ZNF385D: variants seen among roughly 807,000 people sequenced by gnomAD.
The protein encoded by ZNF385D is zinc finger protein 385D.
ZNF385D carries 15 observed loss-of-function variants against 35.8 expected under a neutral mutation model. That is an observed-to-expected ratio of 0.42 (90% CI 0.28 to 0.64). The LOEUF (loss-of-function observed/expected upper bound fraction) is 0.64. Ranked by LOEUF, ZNF385D falls within the 30% of genes least tolerant of loss-of-function variation. ZNF385D has a pLI of 0.23. For synonymous variants in ZNF385D, 212 were observed against 186.8 expected (o/e 1.13, Z -1.10); for missense variants, 474 against 494.6 (o/e 0.96, Z 0.39).
intron 3 of ZNF385D, among the ~76,000 whole-genome samples, chr3:21,516,175 T>C (rs1707549966): frequency 6.6e-6 from 1 of 152,202 alleles, no homozygotes; most frequent in Admixed American, 6.5e-5. Context: ...CCTCAGAGTC[T>C]TTGGAGAGAC....
chr3:21,593,607 CAT>C (rs1277163779), intron 2 of ZNF385D, among the ~76,000 whole-genome samples: 5 of 152,104 alleles, frequency 3.3e-5, no homozygotes, highest in Admixed American at 1.3e-4. Context: ...CTTACTCAAA[CAT>C]ATGTGTGAGC....
intron 3 of ZNF385D, among the ~76,000 whole-genome samples, chr3:21,531,298 T>C (rs1248382963): frequency 6.6e-6 from 1 of 152,192 alleles, no homozygotes; most frequent in Non-Finnish European, 1.5e-5. Context: ...CTCTCATTCA[T>C]TGTTGGTAGA....
intron 3 of ZNF385D, among the ~76,000 whole-genome samples, chr3:22,097,100 T>C (rs949249797): frequency 6.1e-5 from 9 of 148,368 alleles, no homozygotes; most frequent in Non-Finnish European, 1.4e-4. Flanking sequence ...AAATGAATTG[T>C]CCATCTTCAG....
At chr3:21,785,151 C>A (rs929994880) in intron 3 of ZNF385D, among the ~76,000 whole-genome samples, 1 of 152,056 alleles carries the variant, frequency 6.6e-6, no homozygotes, top group South Asian at 2.1e-4. Flanking sequence ...TAATAATTTG[C>A]CCCCAAATCA....
intron 4 of ZNF385D, among the ~76,000 whole-genome samples, chr3:21,496,366 A>G (rs1321251180): frequency 6.9e-6 from 1 of 143,934 alleles, no homozygotes; most frequent in Non-Finnish European, 1.5e-5. Flanking sequence ...TATATCATAT[A>G]TACACACATA....
In ZNF385D at chr3:21,766,626, T is replaced by G. The variant is rs1322456536; in HGVS notation, c.326-101598A>C. On this transcript the variant is annotated intron_variant, in intron 3 of 5. Coordinates refer to the ZNF385D transcript ENST00000494108. Reference sequence around the variant, plus strand: ...GAATAGAGAACATTTATTAAACCAGTATTCAAGGCCCACTATGGAAGCAGT... The same window carrying G: ...GAATAGAGAACATTTATTAAACCAGGATTCAAGGCCCACTATGGAAGCAGT... Among the ~76,000 whole-genome samples the G allele has an allele frequency of 8.5e-5, 13 of 152,096 alleles. No homozygotes were observed. In the East Asian group the frequency reaches 2.5e-3, roughly 29 times the overall value.
At chr3:21,834,427 G>T (rs1296848132) in intron 3 of ZNF385D, among the ~76,000 whole-genome samples, 1 of 152,138 alleles carries the variant, frequency 6.6e-6, no homozygotes, top group Non-Finnish European at 1.5e-5. Context: ...GACTTTAGGT[G>T]TATCCTCTTT....
chr3:21,758,992 A>AC (rs1476384624), intron 3 of ZNF385D, among the ~76,000 whole-genome samples: 1 of 147,856 alleles, frequency 6.8e-6, no homozygotes, highest in Admixed American at 6.7e-5. Context: ...AAAAAAAAAA[A>AC]AAAAAAAAAA....
At chr3:21,562,388 A>G (rs181434255) in intron 3 of ZNF385D, among the ~76,000 whole-genome samples, 1 of 152,198 alleles carries the variant, frequency 6.6e-6, no homozygotes, top group Admixed American at 6.5e-5. Flanking sequence ...AATTAGAAAC[A>G]CTCCAAAAAT....
chr3:22,187,664 T>C (rs1695728017), intron 2 of ZNF385D, among the ~76,000 whole-genome samples: 1 of 152,144 alleles, frequency 6.6e-6, no homozygotes, highest in African/African-American at 2.4e-5. Flanking sequence ...CTTGAAAACT[T>C]TATAATAGAT....
At chr3:22,037,182 G>C (rs1698380494) in intron 3 of ZNF385D, among the ~76,000 whole-genome samples, 1 of 151,448 alleles carries the variant, frequency 6.6e-6, no homozygotes, top group Admixed American at 6.6e-5. Flanking sequence ...ACGTGTGCAT[G>C]TGTCTTTATA....
chr3:22,144,217 G>C (rs375695649), intron 3 of ZNF385D, among the ~76,000 whole-genome samples: 21 of 152,210 alleles, frequency 1.4e-4, no homozygotes, highest in African/African-American at 4.8e-4. Context: ...TTCAAAAATA[G>C]AGACAACATT....
At chr3:21,606,280 G>T (rs2064480845) in intron 2 of ZNF385D, among the ~76,000 whole-genome samples, 1 of 152,152 alleles carries the variant, frequency 6.6e-6, no homozygotes, top group African/African-American at 2.4e-5. Flanking sequence ...GGGTGGTAAT[G>T]ATGCCACCTC....
intron 3 of ZNF385D, chr3:21,979,674 T>C (rs774058039): frequency 2.6e-5 from 4 of 152,188 alleles, no homozygotes; most frequent in African/African-American, 4.8e-5. Context: ...TTTTCAGATA[T>C]TGTATCTCAG....
At chr3:21,479,663 A>G (rs534641692) in intron 4 of ZNF385D, among the ~76,000 whole-genome samples, 1 of 152,162 alleles carries the variant, frequency 6.6e-6, no homozygotes, top group Non-Finnish European at 1.5e-5. Context: ...TTACATTTTT[A>G]TTAACATCAT....
chr3:22,000,060 CT>C (rs1475241695), intron 3 of ZNF385D, among the ~76,000 whole-genome samples: 2 of 152,146 alleles, frequency 1.3e-5, no homozygotes, highest in Non-Finnish European at 2.9e-5. Flanking sequence ...AATTCCAGCA[CT>C]TTGGGAGGCC....
At chr3:22,024,662 G>A (rs567142188) in intron 3 of ZNF385D, among the ~76,000 whole-genome samples, 30 of 152,234 alleles carry the variant, frequency 2.0e-4, no homozygotes, top group African/African-American at 7.0e-4. Context: ...GAACTGTTTA[G>A]AGAGTTATGC....
intron 2 of ZNF385D, among the ~76,000 whole-genome samples, chr3:22,312,417 T>A (rs904840831): frequency 6.6e-6 from 1 of 152,104 alleles, no homozygotes; most frequent in Non-Finnish European, 1.5e-5. Context: ...TTTTTAGTAC[T>A]AAAGAGCTTC....
intron 3 of ZNF385D, among the ~76,000 whole-genome samples, chr3:21,999,431 T>G (rs1644742635): frequency 6.6e-6 from 1 of 152,164 alleles, no homozygotes; most frequent in Admixed American, 6.6e-5. Flanking sequence ...TTTAAATGAT[T>G]TGCGAGTAAA....
Sources: allele counts gnomAD v4.1 joint callset (sites outside exome capture counted in the v4.1 genomes callset), GRCh38; gene constraint gnomAD v4.1.1; transcripts MANE v1.5; gene names NCBI Gene and HGNC (gene_info 2026-07-23, HGNC 2026-07-21).